ENOPH1: variants seen among roughly 807,000 people sequenced by gnomAD.
ENOPH1 encodes enolase-phosphatase 1.
ENOPH1 carries 14 observed loss-of-function variants against 31.1 expected under a neutral mutation model. The observed-to-expected ratio is 0.45, with a 90% CI of 0.30 to 0.70. ENOPH1 has a LOEUF of 0.70. Ranked by LOEUF, ENOPH1 falls within the 30% of genes least tolerant of loss-of-function variation. The probability of loss-of-function intolerance (pLI) is 0.09; values close to 1 mark genes in which losing one functional copy is unlikely to be tolerated. For synonymous variants in ENOPH1, 127 were observed against 123.2 expected (o/e 1.03, Z -0.21); for missense variants, 243 against 321.5 (o/e 0.76, Z 1.87).
intron 1 of ENOPH1, among the ~76,000 whole-genome samples, chr4:82,444,021 C>T (rs1340583054): frequency 6.6e-6 from 1 of 151,892 alleles, no homozygotes; most frequent in Non-Finnish European, 1.5e-5. Flanking sequence ...ATTACAGGCT[C>T]GCGCCACCAC....
chr4:82,443,621 G>A (rs538452298), intron 1 of ENOPH1, among the ~76,000 whole-genome samples: 23 of 148,338 alleles, frequency 1.6e-4, no homozygotes, highest in Admixed American at 6.8e-4. Context: ...CCAGCTACTC[G>A]GGAGGCTGAG....
At position 82,451,056 on chromosome 4, in the gene ENOPH1, C is replaced by T. The variant is rs758172364; in HGVS notation, c.200C>T (p.Ala67Val). The T allele has an allele frequency of 1.2e-6, 2 of 1,613,862 alleles. No individual in the cohort carries two copies. The highest frequency in any genetic ancestry group is 1.7e-6 in the Non-Finnish European group (2 of 1,179,892). The part of the protein sequence containing the change: ...SLLRKQAEED[A>V]HLDGAVPIPA... ...TCTGACTTAAAGGCTGAAGAGGACG[C>T]CCACCTGGATGGGGCTGTTCCTATC... The change falls in exon 3 of 6, where the codon GCC becomes GTC. Residue 67 changes from alanine (A) to valine (V), a missense_variant. Ala to Val is a moderately conservative substitution (Grantham distance 64). Coordinates refer to ENST00000273920, the MANE Select transcript of ENOPH1 (RefSeq NM_021204.5).
chr4:82,451,658 CAG>C (rs1452768930), intron 3 of ENOPH1, among the ~76,000 whole-genome samples: 1 of 152,232 alleles, frequency 6.6e-6, no homozygotes, highest in Non-Finnish European at 1.5e-5. Flanking sequence ...TGAGGTTACT[CAG>C]AGGATGTCCG....
At chr4:82,449,943 T>A (rs1451751938) in intron 2 of ENOPH1, among the ~76,000 whole-genome samples, 1 of 152,156 alleles carries the variant, frequency 6.6e-6, no homozygotes, top group Non-Finnish European at 1.5e-5. Flanking sequence ...TCCTTCCACA[T>A]TGTGTGCTAT....
chr4:82,446,731 G>A (rs1384794342), intron 1 of ENOPH1, among the ~76,000 whole-genome samples: 4 of 113,862 alleles, frequency 3.5e-5, no homozygotes, highest in African/African-American at 3.4e-5. Flanking sequence ...ACGGAGTCTC[G>A]CTCTGTCGCC....
chr4:82,456,858 C>G, intron 4 of ENOPH1, 57 bp from the exon 5 acceptor site: 1 of 1,590,970 alleles, frequency 6.3e-7, no homozygotes. Flanking sequence ...CAGAGAAAGG[C>G]ATGAGGGGCA....
At chr4:82,453,341 A>G (rs926529999) in intron 3 of ENOPH1, among the ~76,000 whole-genome samples, 8 of 152,162 alleles carry the variant, frequency 5.3e-5, no homozygotes, top group Non-Finnish European at 7.3e-5. Context: ...AGGAGCTTCT[A>G]CCTTTTAAAG....
intron 1 of ENOPH1, among the ~76,000 whole-genome samples, chr4:82,447,379 T>C (rs1722223668): frequency 6.6e-6 from 1 of 152,250 alleles, no homozygotes; most frequent in African/African-American, 2.4e-5. Flanking sequence ...TTTAAATACT[T>C]GTCATGTATG....
rs200786339 is a variant in ENOPH1 at position 82,456,990 on chromosome 4, A to G, written c.598A>G (p.Ile200Val). Residue 200 changes from isoleucine to valine, a missense_variant, in exon 5 of 6, where the codon ATT (isoleucine) becomes GTT (valine). By Grantham distance (29) the Ile-to-Val change is conservative. Coordinates refer to ENST00000273920, the MANE Select transcript of ENOPH1 (RefSeq NM_021204.5). Reference sequence around the variant, plus strand: ...AAGTTACCGAAAGATTGCAGACAGCATTGGGTGCTCAACCAACAACATTTT... The same window carrying G: ...AAGTTACCGAAAGATTGCAGACAGCGTTGGGTGCTCAACCAACAACATTTT... ...SESYRKIADS[I>V]GCSTNNILFL... 2.9e-5 allele frequency: 47 copies of G among 1,614,028 alleles called. No homozygotes were observed. The highest frequency in any genetic ancestry group is 8.8e-5 in the South Asian group (8 of 91,084).
chr4:82,451,944 C>T (rs1722362943), intron 3 of ENOPH1, among the ~76,000 whole-genome samples: 1 of 149,932 alleles, frequency 6.7e-6, no homozygotes, highest in African/African-American at 2.5e-5. Flanking sequence ...CCATGCCCAG[C>T]TAGTTTTTGT....
intron 2 of ENOPH1, among the ~76,000 whole-genome samples, chr4:82,450,614 T>C (rs963049140): frequency 7.2e-5 from 11 of 152,244 alleles, no homozygotes; most frequent in African/African-American, 2.7e-4. Context: ...CCAACCTCAT[T>C]ACTTCACTAG....
intron 1 of ENOPH1, among the ~76,000 whole-genome samples, chr4:82,446,145 C>T (rs1722176699): frequency 6.6e-6 from 1 of 152,180 alleles, no homozygotes; most frequent in Non-Finnish European, 1.5e-5. Context: ...TCACCAGGCA[C>T]AGTGACTCAC....
chr4:82,440,948 G>A (rs1370517706), intron 1 of ENOPH1, among the ~76,000 whole-genome samples: 1 of 152,144 alleles, frequency 6.6e-6, no homozygotes, highest in African/African-American at 2.4e-5. Flanking sequence ...TAATTCCTGA[G>A]ACCATGTGGC....
chr4:82,436,497 G>A (rs979390693), intron 1 of ENOPH1, among the ~76,000 whole-genome samples: 3 of 151,952 alleles, frequency 2.0e-5, no homozygotes, highest in East Asian at 1.9e-4. Flanking sequence ...ACCAGCCTGC[G>A]CAATGTAGCA....
chr4:82,447,567 G>A (rs1352017205), intron 1 of ENOPH1, among the ~76,000 whole-genome samples: 2 of 152,222 alleles, frequency 1.3e-5, no homozygotes, highest in Admixed American at 6.5e-5. Context: ...AATATTTTAG[G>A]CTTTGCAGGC....
intron 4 of ENOPH1, 104 bp downstream of exon 4, chr4:82,454,958 GGTT>G (rs1210036351): frequency 1.9e-6 from 2 of 1,048,990 alleles, no homozygotes; most frequent in African/African-American, 1.6e-5. Flanking sequence ...TTTTTTTTTT[GGTT>G]GTTTAAAATT....
In ENOPH1 at chr4:82,447,942, A is replaced by C; in HGVS notation, c.107A>C (p.Glu36Ala). Residue 36 changes from glutamate to alanine, a missense_variant, in exon 2 of 6, where the codon GAA becomes GCA. Coordinates refer to ENST00000273920, the MANE Select transcript of ENOPH1 (RefSeq NM_021204.5). ...FVKDILFPYIEENVKEYLQTH... is the reference protein window; with the variant it reads ...FVKDILFPYIAENVKEYLQTH... ...CAGGACATTTTATTTCCTTACATCG[A>C]AGAAAATGTTAAAGAGTATCTGCAG... 1 of 1,609,784 alleles carries C rather than the reference A, an allele frequency of 6.2e-7. No individual in the cohort carries two copies. The highest frequency in any genetic ancestry group is 1.1e-5 in the South Asian group (1 of 90,124).
chr4:82,447,949 T>C lies in ENOPH1; in HGVS notation c.114T>C (p.Asn38=), dbSNP rs1722238458. Residue 38 remains asparagine, a synonymous_variant, in exon 2 of 6, where the codon AAT becomes AAC. Transcript: ENST00000273920. ...TTTTATTTCCTTACATCGAAGAAAATGTTAAAGAGTATCTGCAGACACATT... is the reference window on the plus strand; with the variant it reads ...TTTTATTTCCTTACATCGAAGAAAACGTTAAAGAGTATCTGCAGACACATT... ...KDILFPYIEE[N]VKEYLQTHWE... 2.5e-6 allele frequency: 4 copies of C among 1,611,212 alleles called. No homozygotes were observed. The highest frequency in any genetic ancestry group is 1.7e-4 in the Middle Eastern group (1 of 6,056).
chr4:82,444,374 A>AGT (rs1199280572), intron 1 of ENOPH1, among the ~76,000 whole-genome samples: 2 of 152,038 alleles, frequency 1.3e-5, no homozygotes, highest in African/African-American at 4.8e-5. Context: ...GGCGTGTACC[A>AGT]CCACGCCCCG....
Sources: allele counts gnomAD v4.1 joint callset (sites outside exome capture counted in the v4.1 genomes callset), GRCh38; gene constraint gnomAD v4.1.1; transcripts MANE v1.5; gene names NCBI Gene and HGNC (gene_info 2026-07-23, HGNC 2026-07-21).